Variants in TGM3 observed in about 807,000 individuals in gnomAD.
The protein encoded by TGM3 is protein-glutamine gamma-glutamyltransferase E.
A neutral mutation model predicts 73.8 loss-of-function variants in TGM3; 52 were observed. The ratio of observed to expected loss-of-function variants is 0.70; its 90% confidence interval spans 0.56 to 0.89. The LOEUF (loss-of-function observed/expected upper bound fraction) is 0.89, where lower values mean the gene tolerates loss of function less well. TGM3 is among the 40% of genes least tolerant of loss of function. The pLI is 0.00. For synonymous variants in TGM3, 372 were observed against 354.9 expected, an observed-to-expected ratio of 1.05 and a Z score of -0.54; for missense variants, 928 against 909.9, an observed-to-expected ratio of 1.02 and a Z score of -0.26.
rs3787473 is a variant in TGM3, at chr20:2,316,492, G to A, written c.670-576G>A. ...CAGGAGAATTGCTTGAATCCAGGAGGCGAAGCTTGCAGTGAGCCAAGATCA... is the reference window on the plus strand; with the variant it reads ...CAGGAGAATTGCTTGAATCCAGGAGACGAAGCTTGCAGTGAGCCAAGATCA... On this transcript the variant is annotated intron_variant, in intron 5 of 12. Transcript: ENST00000381458. 2.4e-3 allele frequency among the ~76,000 whole-genome samples: 368 copies of A among 152,034 alleles called. 10 individuals are homozygous for A. In the East Asian group the frequency reaches 0.059, roughly 24 times the overall value.
chr20:2,300,437 A>C (rs2084139057), intron 1 of TGM3, among the ~76,000 whole-genome samples: 2 of 152,188 alleles, frequency 1.3e-5, no homozygotes, highest in Non-Finnish European at 1.5e-5. Flanking sequence ...TAGGAAGAGA[A>C]GTCCTTCTGT....
chr20:2,337,981 G>T (rs1270090336), intron 11 of TGM3, among the ~76,000 whole-genome samples: 2 of 151,978 alleles, frequency 1.3e-5, no homozygotes, highest in African/African-American at 4.8e-5. Flanking sequence ...TTCCTTCTTC[G>T]AGGCAAGTTC....
chr20:2,305,027 G>T (rs2084169887), intron 1 of TGM3, among the ~76,000 whole-genome samples: 2 of 152,334 alleles, frequency 1.3e-5, no homozygotes, highest in Admixed American at 1.3e-4. Context: ...CTGAGACAAG[G>T]TGTGGGGAGG....
intron 4 of TGM3, among the ~76,000 whole-genome samples, chr20:2,312,117 A>C (rs1198889768): frequency 1.3e-5 from 2 of 152,184 alleles, no homozygotes; most frequent in African/African-American, 4.8e-5. Context: ...GATTGCAGGC[A>C]GGCCAGGTGC....
At chr20:2,339,032 G>A (rs1361853925) in intron 11 of TGM3, among the ~76,000 whole-genome samples, 1 of 152,260 alleles carries the variant, frequency 6.6e-6, no homozygotes, top group African/African-American at 2.4e-5. Context: ...TCTGATCACT[G>A]AGCAAGGACC....
intron 4 of TGM3, among the ~76,000 whole-genome samples, chr20:2,312,272 G>T (rs565282019): frequency 1.9e-4 from 29 of 151,034 alleles, no homozygotes; most frequent in Non-Finnish European, 3.7e-4. Context: ...TGGTGGCACG[G>T]GCCTGTAATC....
chr20:2,338,871 A>T (rs184360701), intron 11 of TGM3, among the ~76,000 whole-genome samples: 1 of 152,372 alleles, frequency 6.6e-6, no homozygotes, highest in African/African-American at 2.4e-5. Context: ...GTCCTTCTTT[A>T]CCAGATGAGG....
chr20:2,337,478 G>A (rs779298088), intron 11 of TGM3, among the ~76,000 whole-genome samples: 10 of 152,110 alleles, frequency 6.6e-5, no homozygotes, highest in Non-Finnish European at 1.5e-4. Context: ...CAGCACTTTG[G>A]GAAGCCGAGG....
At chr20:2,339,757 C>A in intron 11 of TGM3, 97 bp from the exon 12 acceptor site, 1 of 1,528,506 alleles carries the variant, frequency 6.5e-7, no homozygotes, top group Non-Finnish European at 8.9e-7. Context: ...TCAGTGACAT[C>A]ACCCCCTTCA....
chr20:2,326,463 C>A (rs1212680975), intron 8 of TGM3, among the ~76,000 whole-genome samples: 3 of 152,236 alleles, frequency 2.0e-5, no homozygotes, highest in Non-Finnish European at 2.9e-5. Context: ...GGGTCCCAGG[C>A]TCTCCTGGAG....
intron 7 of TGM3, among the ~76,000 whole-genome samples, chr20:2,321,425 G>A (rs1471473152): frequency 6.6e-6 from 1 of 152,176 alleles, no homozygotes; most frequent in Non-Finnish European, 1.5e-5. Context: ...TTTGGCAGAG[G>A]TAGTATCTGA....
chr20:2,309,880 C>T (rs777489156), intron 2 of TGM3, 50 bp downstream of exon 2: 2 of 1,608,064 alleles, frequency 1.2e-6, no homozygotes, highest in South Asian at 2.2e-5. Context: ...CTTGAGTAGC[C>T]CTTGTTCATT....
rs1264350217 is a variant in TGM3, at chr20:2,332,496, A to G, written c.1642+186A>G. 1.3e-5 allele frequency among the ~76,000 whole-genome samples: 2 copies of G among 152,160 alleles called. No individual in the cohort carries two copies. Among genetic ancestry groups the G allele is most frequent in the South Asian group, 4.1e-4 (2 of 4,832 alleles). ...CTCTATGAACAGAGTGATGCCAACC[A>G]AATGTCAGGGTGGTGCCAACCAAAA... On this transcript the variant is annotated intron_variant, in intron 10 of 12. Transcript: ENST00000381458. The surrounding 1 kb of genome is among the most constrained non-coding windows in gnomAD (Gnocchi z 4.4).
At chr20:2,336,413 A>G (rs1400085662) in intron 11 of TGM3, among the ~76,000 whole-genome samples, 1 of 152,072 alleles carries the variant, frequency 6.6e-6, no homozygotes, top group African/African-American at 2.4e-5. Context: ...TTGTCTAGAT[A>G]GAAATTGCCT....
At chr20:2,309,610 C>G in intron 1 of TGM3, 47 bp from the exon 2 acceptor site, 1 of 1,603,268 alleles carries the variant, frequency 6.2e-7, no homozygotes, top group Non-Finnish European at 8.5e-7. Context: ...CCCCACACCA[C>G]CATCCCTTGC....
chr20:2,336,263 A>G (rs984835692), intron 11 of TGM3, among the ~76,000 whole-genome samples: 6 of 152,128 alleles, frequency 3.9e-5, no homozygotes, highest in African/African-American at 1.4e-4. Context: ...CAGGGAGTAT[A>G]GGTCTGAAGG....
chr20:2,318,442 C>T (rs2084246921), intron 7 of TGM3, among the ~76,000 whole-genome samples: 1 of 152,178 alleles, frequency 6.6e-6, no homozygotes, highest in Admixed American at 6.5e-5. Context: ...AATGTGTAGA[C>T]ATATATCTGT....
chr20:2,314,013 A>AC (rs899779740), intron 5 of TGM3, among the ~76,000 whole-genome samples: 10 of 20,684 alleles, frequency 4.8e-4, no homozygotes, highest in African/African-American at 6.0e-4. Context: ...AACAACAACA[A>AC]AAAAAAATTA....
chr20:2,309,232 A>C (rs1002245277), intron 1 of TGM3, among the ~76,000 whole-genome samples: 10 of 152,188 alleles, frequency 6.6e-5, no homozygotes, highest in Admixed American at 3.9e-4. Flanking sequence ...GAAATGCTGA[A>C]AGCAGACAGA....
Sources: gnomAD v4.1 joint callset for allele counts (sites outside exome capture counted in the v4.1 genomes callset) on GRCh38, gnomAD v4.1.1 for gene constraint, Gnocchi (gnomAD v3.1) non-coding constraint, MANE v1.5 for transcripts, NCBI Gene and HGNC (gene_info 2026-07-23, HGNC 2026-07-21) for gene names.